Variants in TM4SF18 observed in about 807,000 individuals in gnomAD.
The protein encoded by TM4SF18 is transmembrane 4 L six family member 18, also known as transmembrane 4 L6 family member 18.
A neutral mutation model predicts 23.8 loss-of-function variants in TM4SF18; 22 were observed. That is an observed-to-expected ratio of 0.92 (90% confidence interval 0.66 to 1.32). The LOEUF is 1.32. TM4SF18 is among the 40% of genes most tolerant of loss of function. The pLI, the probability that TM4SF18 is intolerant of heterozygous loss-of-function variation, is 0.00. For synonymous variants in TM4SF18, 87 were observed against 87.9 expected (o/e 0.99, Z 0.06); for missense variants, 255 against 240.3 (o/e 1.06, Z -0.41).
intron 2 of TM4SF18, among the ~76,000 whole-genome samples, chr3:149,332,406 T>A (rs531798957): frequency 6.6e-6 from 1 of 152,298 alleles, no homozygotes; most frequent in South Asian, 2.1e-4. Context: ...GGAAATTGTC[T>A]TTTCCTCTGA....
intron 3 of TM4SF18, among the ~76,000 whole-genome samples, chr3:149,329,002 T>A (rs1526788): frequency 0.62 from 94,383 of 151,998 alleles, 29,683 homozygotes; most frequent in Admixed American, 0.69. Flanking sequence ...AATTTTTATT[T>A]TACACTTAAT....
chr3:149,328,489 T>A (rs1731007674), intron 3 of TM4SF18, among the ~76,000 whole-genome samples: 1 of 152,192 alleles, frequency 6.6e-6, no homozygotes, highest in Admixed American at 6.5e-5. Flanking sequence ...AAGAAATGAA[T>A]CAATTTTTAT....
chr3:149,324,151 C>T (rs1238055069), intron 4 of TM4SF18, among the ~76,000 whole-genome samples: 1 of 152,188 alleles, frequency 6.6e-6, no homozygotes. Flanking sequence ...TTTCTGGGCC[C>T]TGCTACCTCC....
intron 3 of TM4SF18, 64 bp from the exon 4 acceptor site, chr3:149,325,086 T>C: frequency 6.5e-7 from 1 of 1,528,346 alleles, no homozygotes; most frequent in African/African-American, 1.4e-5. Context: ...TGTGGATAAA[T>C]TATCAGATAG....
In TM4SF18 at chr3:149,330,787, T is replaced by C. The variant is rs182005631; in HGVS notation, c.178-368A>G. ...CCTGCCTTTCTCAATGACTCAGTTGTGGAGAACCAAGGAAAATCATTCAGC... is the reference window on the plus strand; with the variant it reads ...CCTGCCTTTCTCAATGACTCAGTTGCGGAGAACCAAGGAAAATCATTCAGC... On this transcript the variant is annotated intron_variant, in intron 2 of 5. Coordinates refer to ENST00000296059, the MANE Select transcript of TM4SF18 (RefSeq NM_138786.4). 2.6e-5 allele frequency among the ~76,000 whole-genome samples: 4 copies of C among 152,290 alleles called. No individual in the cohort carries two copies. The East Asian group carries it at 7.7e-4, about 29-fold the overall frequency.
In TM4SF18 at chr3:149,328,804, T is replaced by G. The variant is rs151080328; in HGVS notation, c.267+1526A>C. Among the ~76,000 whole-genome samples the G allele has an allele frequency of 6.0e-4, 91 of 152,270 alleles. 2 individuals carry two copies. The East Asian group carries it at 0.017, about 29-fold the overall frequency. On this transcript the variant is annotated intron_variant, in intron 3 of 5. Coordinates refer to ENST00000296059, the MANE Select transcript of TM4SF18 (RefSeq NM_138786.4). ...CTGGGGGCATTTGAATTGGGACTTC[T>G]CTTCTAGAACTTACCTTGAAAAGGC...
chr3:149,333,278 A>G lies in TM4SF18; in HGVS notation c.105T>C (p.Thr35=). 1.9e-6 allele frequency: 3 copies of G among 1,613,984 alleles called. No homozygotes were observed. Among genetic ancestry groups the G allele is most frequent in the Non-Finnish European group, 2.5e-6 (3 of 1,179,928 alleles). The stretch of plus-strand genomic sequence containing the variant: ...TGAGTTTATTGCTGGATGCATAGGA[A>G]GTTTGCCCATTCGGGAAATACAATA... The part of the protein sequence containing the change: ...NILLYFPNGQ[T]SYASSNKLTN... Residue 35 remains threonine (T), a synonymous_variant, in exon 2 of 6, where the codon ACT becomes ACC. Coordinates refer to ENST00000296059, the MANE Select transcript of TM4SF18 (RefSeq NM_138786.4).
chr3:149,319,497 A>G lies in TM4SF18; in HGVS notation c.*1981T>C, dbSNP rs1274509402. 2.0e-5 allele frequency: 3 copies of G among 152,218 alleles called. No individual in the cohort carries two copies. Among genetic ancestry groups the G allele is most frequent in the Admixed American group, 6.5e-5 (1 of 15,282 alleles). The allele number at this position is 152,218 out of a possible 1,614,324, so 9.4% of individuals were successfully genotyped here. On this transcript the variant is annotated 3_prime_UTR_variant, in exon 6 of 6. Transcript: ENST00000296059. ...TTTGTCTTAGCATCCCTCCAACCCA[A>G]CATCTAGAAAAGGGAGACTTCATTT...
intron 4 of TM4SF18, among the ~76,000 whole-genome samples, chr3:149,322,991 C>T (rs1289024106): frequency 6.6e-6 from 1 of 151,316 alleles, no homozygotes; most frequent in Non-Finnish European, 1.5e-5. Flanking sequence ...CAAGCTCCGC[C>T]TCCCTGGTTC....
chr3:149,327,790 T>C (rs1730986643), intron 3 of TM4SF18, among the ~76,000 whole-genome samples: 2 of 152,142 alleles, frequency 1.3e-5, no homozygotes, highest in South Asian at 4.1e-4. Context: ...ACTGGGAAGA[T>C]CAGTGAAGAA....
intron 2 of TM4SF18, among the ~76,000 whole-genome samples, chr3:149,332,654 T>A (rs538591618): frequency 1.7e-4 from 26 of 152,326 alleles, no homozygotes; most frequent in African/African-American, 4.3e-4. Flanking sequence ...ACTTTATATA[T>A]ATTTTATCTT....
intron 3 of TM4SF18, among the ~76,000 whole-genome samples, chr3:149,329,239 A>G (rs1731031349): frequency 6.6e-6 from 1 of 152,098 alleles, no homozygotes; most frequent in South Asian, 2.1e-4. Flanking sequence ...TAAGGGACAC[A>G]GTACTAAATA....
At position 149,322,210 on chromosome 3, in the gene TM4SF18, TG is replaced by T. The variant is rs1354895261; in HGVS notation, c.591+45del. The T allele has an allele frequency of 2.0e-5, 30 of 1,510,954 alleles. No homozygotes were observed. In the Admixed American group the frequency reaches 5.5e-4, roughly 28 times the overall value. 93.6% of individuals were successfully genotyped at this position (1,510,954 alleles called of 1,614,324 possible). A position where few individuals can be genotyped will look rare whatever the true frequency, so the allele number is the denominator to read the frequency against. ...AAAAGCCTCATTGAATCCTGGGAAG[TG>T]GGGGAAATATGGATGAGCTACAGGT... On this transcript the variant is annotated intron_variant, in intron 5 of 5. Transcript: ENST00000296059.
At chr3:149,331,930 C>A (rs71304466) in intron 2 of TM4SF18, among the ~76,000 whole-genome samples, 10,628 of 152,194 alleles carry the variant, frequency 0.07, 414 homozygotes, top group Non-Finnish European at 0.076. Flanking sequence ...ATTTATTTTG[C>A]TACTTCTCTG....
Position 149,326,166 on chromosome 3 carries a change from G to A in TM4SF18, c.268-1144C>T, listed in dbSNP as rs115526976. ...TTTTTTTGTACAGGATCCAATAAAG[G>A]TTTATGTACAAGACTACATCTCTTT... is the stretch of plus-strand genomic sequence containing the variant. On this transcript the variant is annotated intron_variant, in intron 3 of 5. Transcript: ENST00000296059. Among the ~76,000 whole-genome samples the A allele has an allele frequency of 6.2e-3, 943 of 152,148 alleles. 8 individuals are homozygous for A. The highest frequency in any genetic ancestry group is 0.022 in the African/African-American group (898 of 41,494).
chr3:149,333,337 G>A lies in TM4SF18; in HGVS notation c.46C>T (p.Pro16Ser), dbSNP rs138596742. 17 of 1,613,460 alleles carry A rather than the reference G, an allele frequency of 1.1e-5. No individual in the cohort carries two copies. The highest frequency in any genetic ancestry group is 1.4e-5 in the Non-Finnish European group (17 of 1,179,726). The change falls in exon 2 of 6, where the codon CCG becomes TCG. Residue 16 changes from proline to serine, a missense_variant. By Grantham distance (74) the Pro-to-Ser change is moderately conservative. Coordinates refer to ENST00000296059, the MANE Select transcript of TM4SF18 (RefSeq NM_138786.4). ...CGGCLSCLLI[P>S]LALWSIIVNI... ...ACGATTATACTCCAAAGTGCAAGCG[G>A]AATCAGCAAACAACTTAGGCAGCCT...
In TM4SF18 at chr3:149,321,499, G is replaced by GA; in HGVS notation, c.592-8dup. On this transcript the variant is annotated splice_polypyrimidine_tract_variant and splice_region_variant and intron_variant, in intron 5 of 5. Transcript: ENST00000296059. ...TTATTCAAATGATTCCAGGCTATAGGAAAAAAGGAAAAACAAAGTGATTAA... is the reference window on the plus strand; with the variant it reads ...TTATTCAAATGATTCCAGGCTATAGGAAAAAAAGGAAAAACAAAGTGATTAA... 3 of 1,565,660 alleles carry GA rather than the reference G, an allele frequency of 1.9e-6. No homozygotes were observed. The highest frequency in any genetic ancestry group is 3.7e-5 in the Admixed American group (2 of 54,080).
At chr3:149,329,748 A>G (rs1731048701) in intron 3 of TM4SF18, among the ~76,000 whole-genome samples, 3 of 152,222 alleles carry the variant, frequency 2.0e-5, no homozygotes, top group Non-Finnish European at 4.4e-5. Context: ...TCAAGTGCCA[A>G]CTTAGAAAAT....
chr3:149,326,139 A>T (rs568558701), intron 3 of TM4SF18, among the ~76,000 whole-genome samples: 1 of 152,028 alleles, frequency 6.6e-6, no homozygotes, highest in South Asian at 2.1e-4. Context: ...TAACTTTTAA[A>T]TTTTTTTTGT....
Sources: gnomAD v4.1 joint callset for allele counts (sites outside exome capture counted in the v4.1 genomes callset) on GRCh38, gnomAD v4.1.1 for gene constraint, MANE v1.5 for transcripts, NCBI Gene and HGNC (gene_info 2026-07-23, HGNC 2026-07-21) for gene names.